The following SLC7A1 variants were observed in gnomAD, a reference collection of about 807,000 sequenced individuals.
SLC7A1 encodes high affinity cationic amino acid transporter 1.
SLC7A1 carries 10 observed loss-of-function variants against 53.9 expected under a neutral mutation model. The ratio of observed to expected loss-of-function variants is 0.19; its 90% CI spans 0.11 to 0.31. SLC7A1 has a LOEUF of 0.31. Ranked by LOEUF, SLC7A1 falls within the 10% of genes least tolerant of loss-of-function variation. The pLI is 1.00. For synonymous variants in SLC7A1, 342 were observed against 338.7 expected, an observed-to-expected ratio of 1.01 and a Z score of -0.11; for missense variants, 525 against 827.2, an observed-to-expected ratio of 0.63 and a Z score of 4.48.
intron 2 of SLC7A1, among the ~76,000 whole-genome samples, chr13:29,539,635 C>T (rs531937384): frequency 2.8e-4 from 42 of 152,274 alleles, no homozygotes; most frequent in South Asian, 1.5e-3. Flanking sequence ...CCGTTTTATC[C>T]GGGTATAGTT....
chr13:29,593,618 A>G (rs1872193536), intron 1 of SLC7A1, among the ~76,000 whole-genome samples: 1 of 152,266 alleles, frequency 6.6e-6, no homozygotes, highest in Non-Finnish European at 1.5e-5. Context: ...CAACATAATT[A>G]TCTATTTGTA....
chr13:29,556,071 G>A (rs921556093), intron 1 of SLC7A1, among the ~76,000 whole-genome samples: 2 of 152,096 alleles, frequency 1.3e-5, no homozygotes, highest in South Asian at 2.1e-4. Flanking sequence ...TACCTGAAAA[G>A]GCCACTAAAG....
rs776843495 is a variant in SLC7A1, at chr13:29,532,920, C to G, written c.433G>C (p.Gly145Arg). ...TFDELIGRPI[G>R]EFSRTHMTLN... ...GTCATGTGTGTCCGTGAGAACTCCC[C>G]GATGGGTCTGCCTATCAGCTCGTCG... Residue 145 changes from glycine to arginine, a missense_variant, in exon 4 of 13, where the codon GGG becomes CGG. Around this residue, in one of 4 missense-constraint regions of SLC7A1, gnomAD observed 354 missense variants for 587.5 expected, o/e 0.60. Transcript: ENST00000380752. 2 of 1,614,164 alleles carry G rather than the reference C, an allele frequency of 1.2e-6. No homozygotes were observed. Among genetic ancestry groups the G allele is most frequent in the Admixed American group, 1.7e-5 (1 of 60,022 alleles).
chr13:29,582,723 G>C (rs1336242773), intron 1 of SLC7A1, among the ~76,000 whole-genome samples: 1 of 152,174 alleles, frequency 6.6e-6, no homozygotes, highest in East Asian at 1.9e-4. Flanking sequence ...GATCCCCAGG[G>C]GAGGATTTGT....
chr13:29,534,610 G>A (rs1475796718), intron 3 of SLC7A1, among the ~76,000 whole-genome samples: 1 of 152,134 alleles, frequency 6.6e-6, no homozygotes, highest in African/African-American at 2.4e-5. Context: ...CTGTCCTGGT[G>A]AAGGGGGAGT....
chr13:29,569,024 T>TA (rs1157757047), intron 1 of SLC7A1, among the ~76,000 whole-genome samples: 2 of 152,222 alleles, frequency 1.3e-5, no homozygotes, highest in African/African-American at 2.4e-5. Context: ...AACGGACTCC[T>TA]ATCTAAAGCA....
At chr13:29,517,374 C>T in intron 10 of SLC7A1, 64 bp from the exon 11 acceptor site, 1 of 1,511,360 alleles carries the variant, frequency 6.6e-7, no homozygotes, top group African/African-American at 1.4e-5. Flanking sequence ...CACAGGCATC[C>T]ACTGTTCTCC....
At chr13:29,568,799 C>T (rs1364643440) in intron 1 of SLC7A1, among the ~76,000 whole-genome samples, 1 of 152,198 alleles carries the variant, frequency 6.6e-6, no homozygotes, top group Non-Finnish European at 1.5e-5. Context: ...TATGTGCTAC[C>T]TGGCCCTGTA....
intron 2 of SLC7A1, among the ~76,000 whole-genome samples, chr13:29,538,282 G>A (rs1475534349): frequency 6.6e-6 from 1 of 152,200 alleles, no homozygotes; most frequent in Non-Finnish European, 1.5e-5. Flanking sequence ...AGCAAGTGGG[G>A]CAAAGTGGGG....
intron 11 of SLC7A1, chr13:29,516,916 T>A (rs1883574381): frequency 4.5e-6 from 2 of 445,986 alleles, no homozygotes; most frequent in South Asian, 1.2e-4. Context: ...GGTGTCAGCC[T>A]GCCCTTGACT....
chr13:29,584,770 A>G (rs1026191935), intron 1 of SLC7A1, among the ~76,000 whole-genome samples: 6 of 152,168 alleles, frequency 3.9e-5, no homozygotes, highest in African/African-American at 1.4e-4. Flanking sequence ...AGTCCATCCA[A>G]CCTTTTCAAG....
At chr13:29,595,369 C>T (rs1335022706) in intron 1 of SLC7A1, 47 bp downstream of exon 1, 2 of 151,872 alleles carry the variant, frequency 1.3e-5, no homozygotes, top group Admixed American at 6.6e-5. Context: ...CCGTGATGAC[C>T]CGGGCCCAAG....
chr13:29,552,926 C>G (rs1318294371), intron 2 of SLC7A1, among the ~76,000 whole-genome samples: 1 of 151,948 alleles, frequency 6.6e-6, no homozygotes, highest in Non-Finnish European at 1.5e-5. Flanking sequence ...AAACTACATG[C>G]TATGCCAAAC....
At chr13:29,525,977 C>T (rs1337532447) in intron 5 of SLC7A1, among the ~76,000 whole-genome samples, 1 of 152,220 alleles carries the variant, frequency 6.6e-6, no homozygotes, top group Admixed American at 6.5e-5. Context: ...CAAACGGCTT[C>T]TGTTACTCAG....
At chr13:29,551,361 G>T (rs1210244396) in intron 2 of SLC7A1, among the ~76,000 whole-genome samples, 2 of 152,186 alleles carry the variant, frequency 1.3e-5, no homozygotes, top group Non-Finnish European at 1.5e-5. Context: ...AAGACCGAAA[G>T]GCCTCCAGGA....
At chr13:29,528,730 C>T (rs1869012702) in intron 5 of SLC7A1, among the ~76,000 whole-genome samples, 1 of 152,226 alleles carries the variant, frequency 6.6e-6, no homozygotes, top group Non-Finnish European at 1.5e-5. Flanking sequence ...GATCCCCTGC[C>T]GTCCCTGTGG....
At chr13:29,581,394 G>A (rs1871640057) in intron 1 of SLC7A1, among the ~76,000 whole-genome samples, 1 of 151,846 alleles carries the variant, frequency 6.6e-6, no homozygotes, top group African/African-American at 2.4e-5. Flanking sequence ...CCCGTGCTAG[G>A]CATAAAGCTC....
chr13:29,552,459 C>T (rs1428179208), intron 2 of SLC7A1, among the ~76,000 whole-genome samples: 1 of 152,146 alleles, frequency 6.6e-6, no homozygotes, highest in Non-Finnish European at 1.5e-5. Context: ...TGGCCAAAAA[C>T]TGGCCCCAAA....
chr13:29,524,691 C>T (rs1216798914), intron 5 of SLC7A1, among the ~76,000 whole-genome samples: 1 of 152,146 alleles, frequency 6.6e-6, no homozygotes, highest in Non-Finnish European at 1.5e-5. Context: ...ACAAACAATT[C>T]CAGAGAAACT....
Sources: allele counts gnomAD v4.1 joint callset (sites outside exome capture counted in the v4.1 genomes callset), GRCh38; gene constraint gnomAD v4.1.1; regional missense constraint gnomAD v4.1.1; transcripts MANE v1.5; gene names NCBI Gene and HGNC (gene_info 2026-07-23, HGNC 2026-07-21).